The following NEDD9 variants were observed in gnomAD, a reference collection of about 807,000 sequenced individuals.
The protein encoded by NEDD9 is enhancer of filamentation 1.
A neutral mutation model predicts 76.6 loss-of-function variants in NEDD9; 26 were observed. That is an observed-to-expected ratio of 0.34 (90% CI 0.25 to 0.47). The LOEUF (loss-of-function observed/expected upper bound fraction) is 0.47, where lower values mean the gene tolerates loss of function less well. NEDD9 is among the 20% of genes least tolerant of loss of function. NEDD9 has a pLI of 1.00. For synonymous variants in NEDD9, 392 were observed against 414.2 expected, an observed-to-expected ratio of 0.95 and a Z score of 0.65; for missense variants, 937 against 1,058.5, an observed-to-expected ratio of 0.89 and a Z score of 1.59.
intron 1 of NEDD9, among the ~76,000 whole-genome samples, chr6:11,217,317 A>G (rs1271417865): frequency 6.6e-6 from 1 of 152,234 alleles, no homozygotes; most frequent in East Asian, 1.9e-4. Flanking sequence ...CTTGAGCCAC[A>G]AAGTCAGAAG....
chr6:11,331,491 T>C (rs1414288977), intron 2 of NEDD9, among the ~76,000 whole-genome samples: 4 of 152,066 alleles, frequency 2.6e-5, no homozygotes, highest in Non-Finnish European at 5.9e-5. Context: ...AGATATGACT[T>C]AAGAATTTTT....
At chr6:11,355,940 C>G (rs192653248) in intron 1 of NEDD9, among the ~76,000 whole-genome samples, 2 of 152,244 alleles carry the variant, frequency 1.3e-5, no homozygotes, top group African/African-American at 2.4e-5. Flanking sequence ...CCAGGATGGT[C>G]TCGATCTCCT....
At chr6:11,291,685 G>T (rs1022151269) in intron 3 of NEDD9, among the ~76,000 whole-genome samples, 1 of 152,184 alleles carries the variant, frequency 6.6e-6, no homozygotes, top group African/African-American at 2.4e-5. Context: ...CCAAGTGGGC[G>T]TTGGATAATA....
At chr6:11,345,385 C>T (rs1318319520) in intron 1 of NEDD9, among the ~76,000 whole-genome samples, 1 of 152,100 alleles carries the variant, frequency 6.6e-6, no homozygotes, top group East Asian at 1.9e-4. Flanking sequence ...TTTTGAGTTA[C>T]TTGTACATGG....
At chr6:11,312,712 T>TA (rs1439587093) in intron 2 of NEDD9, among the ~76,000 whole-genome samples, 8,775 of 147,098 alleles carry the variant, frequency 0.06, 366 homozygotes, top group Admixed American at 0.12. Flanking sequence ...ATATATATAT[T>TA]TTTAAAGAGT....
chr6:11,232,495 C>A lies in NEDD9; in HGVS notation c.12+9G>T, dbSNP rs766838571. 2.5e-6 allele frequency: 4 copies of A among 1,614,254 alleles called. No homozygotes were observed. In the East Asian group the frequency reaches 8.9e-5, roughly 36 times the overall value. ...CTTGCAAGGTAACCTGTAAAAGGCACTCTCTTACCTTATACTTCATTTCGG... is the reference window on the plus strand; with the variant it reads ...CTTGCAAGGTAACCTGTAAAAGGCAATCTCTTACCTTATACTTCATTTCGG... On this transcript the variant is annotated intron_variant, in intron 1 of 6. Transcript: ENST00000379446.
Position 11,190,091 on chromosome 6 carries a change from T to C in NEDD9, c.1778A>G (p.Asp593Gly). Residue 593 changes from aspartate (D) to glycine (G), a missense_variant, in exon 5 of 7, where the codon GAC becomes GGC. Asp to Gly is a moderately conservative substitution (Grantham distance 94). Coordinates refer to ENST00000379446, the MANE Select transcript of NEDD9 (RefSeq NM_006403.4). This position sits in a 1 kb window ranked among gnomAD's most constrained non-coding sequence, Gnocchi z 5.8. ...GSQGQLLHPGDHKAQAHNKAL... is the reference protein window; with the variant it reads ...GSQGQLLHPGGHKAQAHNKAL... ...CTTGTTGTGGGCCTGGGCCTTGTGG[T>C]CACCAGGATGCAGCAGCTGTCCCTG... 2 of 1,608,924 alleles carry C rather than the reference T, an allele frequency of 1.2e-6. No homozygotes were observed. Among genetic ancestry groups the C allele is most frequent in the Non-Finnish European group, 1.7e-6 (2 of 1,176,908 alleles).
chr6:11,217,441 TC>T lies in NEDD9; in HGVS notation c.13-3715del, dbSNP rs1758986207. Among the ~76,000 whole-genome samples, 5 of 152,220 alleles carry T rather than the reference TC, an allele frequency of 3.3e-5. No individual in the cohort carries two copies. The South Asian group carries it at 1.0e-3, about 32-fold the overall frequency. ...ATATTTATCTCCAGGGTAGGGAAGG[TC>T]AACACAGAAACAAATCAAGGAGAGA... On this transcript the variant is annotated intron_variant, in intron 1 of 6. Transcript: ENST00000379446.
At chr6:11,263,526 G>GA (rs1726708422) in intron 3 of NEDD9, among the ~76,000 whole-genome samples, 1 of 152,190 alleles carries the variant, frequency 6.6e-6, no homozygotes, top group African/African-American at 2.4e-5. Context: ...CGCATGGATG[G>GA]CCCTCTTGAA....
chr6:11,195,541 C>T (rs892584953), intron 2 of NEDD9, among the ~76,000 whole-genome samples: 12 of 152,046 alleles, frequency 7.9e-5, no homozygotes, highest in Admixed American at 2.0e-4. Context: ...CTACTTAGAG[C>T]GCTGTCTTGG....
intron 2 of NEDD9, among the ~76,000 whole-genome samples, chr6:11,313,045 T>C (rs1178784855): frequency 6.6e-6 from 1 of 152,076 alleles, no homozygotes; most frequent in Non-Finnish European, 1.5e-5. Context: ...CCCTAGGACT[T>C]ATTGAAGGTT....
At chr6:11,308,499 A>G (rs1761261630) in intron 2 of NEDD9, among the ~76,000 whole-genome samples, 2 of 149,556 alleles carry the variant, frequency 1.3e-5, no homozygotes, top group South Asian at 4.2e-4. Context: ...CCTCCCGAGT[A>G]GCTGGGACTA....
chr6:11,342,246 GGAGA>G (rs376497830), intron 1 of NEDD9, among the ~76,000 whole-genome samples: 6 of 150,626 alleles, frequency 4.0e-5, no homozygotes, highest in East Asian at 1.9e-4. Context: ...CCCAGAAGGA[GGAGA>G]GAGAGAGAGA....
chr6:11,210,994 C>A (rs1182261430), intron 2 of NEDD9, among the ~76,000 whole-genome samples: 1 of 152,202 alleles, frequency 6.6e-6, no homozygotes, highest in African/African-American at 2.4e-5. Context: ...ATGTCACTAC[C>A]CCAGACCCTG....
intron 1 of NEDD9, among the ~76,000 whole-genome samples, chr6:11,219,583 G>A (rs1759080072): frequency 1.3e-5 from 2 of 152,250 alleles, no homozygotes; most frequent in South Asian, 4.1e-4. Context: ...CAGACCCTGA[G>A]AAACAGACAC....
chr6:11,344,484 A>C (rs1448776772), intron 1 of NEDD9, among the ~76,000 whole-genome samples: 2 of 152,224 alleles, frequency 1.3e-5, no homozygotes, highest in East Asian at 3.8e-4. Flanking sequence ...TTTAAGTTTC[A>C]GGTGGGGCAT....
At chr6:11,205,662 T>A (rs1758586951) in intron 2 of NEDD9, among the ~76,000 whole-genome samples, 1 of 152,064 alleles carries the variant, frequency 6.6e-6, no homozygotes, top group Admixed American at 6.5e-5. Flanking sequence ...GTTTTGCTCT[T>A]GTTGCCCAGG....
At chr6:11,338,624 CT>C (rs1224284449) in intron 1 of NEDD9, among the ~76,000 whole-genome samples, 1 of 152,116 alleles carries the variant, frequency 6.6e-6, no homozygotes, top group Non-Finnish European at 1.5e-5. Flanking sequence ...CATTCCAGCT[CT>C]TTTAAAAATT....
chr6:11,229,346 G>T (rs1759399823), intron 1 of NEDD9, among the ~76,000 whole-genome samples: 1 of 152,234 alleles, frequency 6.6e-6, no homozygotes, highest in East Asian at 1.9e-4. Flanking sequence ...GCCATTAGCA[G>T]CCAGGCCAAG....
Sources: allele counts gnomAD v4.1 joint callset (sites outside exome capture counted in the v4.1 genomes callset), GRCh38; gene constraint gnomAD v4.1.1; non-coding constraint Gnocchi (gnomAD v3.1); transcripts MANE v1.5; gene names NCBI Gene and HGNC (gene_info 2026-07-23, HGNC 2026-07-21).